WDFY4: variants seen among roughly 807,000 people sequenced by gnomAD.
WDFY4 encodes WDFY family member 4.
In WDFY4, 169 loss-of-function variants were observed where a neutral mutation model predicts 351.9. The ratio of observed to expected loss-of-function variants is 0.48; its 90% CI spans 0.42 to 0.55. The LOEUF is 0.55. Among genes scored for constraint, WDFY4 ranks in the 20% least tolerant of loss-of-function variants. The pLI is 0.00. For synonymous variants in WDFY4, 1,622 were observed against 1,574.6 expected (o/e 1.03, Z -0.71); for missense variants, 3,803 against 3,935.6 (o/e 0.97, Z 0.90).
intron 39 of WDFY4, among the ~76,000 whole-genome samples, chr10:48,848,627 G>T (rs2068857034): frequency 6.6e-6 from 1 of 152,150 alleles, no homozygotes; most frequent in African/African-American, 2.4e-5. Flanking sequence ...GGTCTGTGAG[G>T]TTCTTTTCAG....
chr10:48,903,049 G>T (rs1036844703), intron 47 of WDFY4, among the ~76,000 whole-genome samples: 2 of 152,174 alleles, frequency 1.3e-5, no homozygotes, highest in Admixed American at 1.3e-4. Context: ...GGTGGAGGTT[G>T]CAGTGAGCTG....
intron 47 of WDFY4, among the ~76,000 whole-genome samples, chr10:48,920,285 A>C (rs868548804): frequency 6.8e-6 from 1 of 146,582 alleles, no homozygotes; most frequent in South Asian, 2.2e-4. Context: ...CAAATACCAC[A>C]TGTTCTCACT....
intron 47 of WDFY4, chr10:48,913,981 G>T (rs138280112): frequency 1.2e-6 from 2 of 1,614,014 alleles, no homozygotes; most frequent in African/African-American, 2.7e-5. Flanking sequence ...ATAAGATTCC[G>T]GCTAAGGTCC....
intron 50 of WDFY4, 104 bp downstream of exon 50, chr10:48,946,261 C>A: frequency 1.1e-6 from 1 of 903,448 alleles, no homozygotes; most frequent in Non-Finnish European, 1.7e-6. Context: ...CAAGTAATTG[C>A]ATTTGAATAG....
At chr10:48,792,281 G>A (rs1000216675) in intron 23 of WDFY4, among the ~76,000 whole-genome samples, 3 of 152,212 alleles carry the variant, frequency 2.0e-5, no homozygotes, top group African/African-American at 4.8e-5. Context: ...TCCCCCAGCT[G>A]AGCATGTGGC....
At position 48,830,830 on chromosome 10, in the gene WDFY4, A is replaced by C; in HGVS notation, c.6471A>C (p.Glu2157Asp). The change falls in exon 38 of 62, where the codon GAA (glutamate) becomes GAC (aspartate). Residue 2157 changes from glutamate (E) to aspartate (D), a missense_variant. Transcript: ENST00000325239. ...VKPGEREVKI[E>D]EVTPLWEETM... ...CTGGAGAGAGGGAAGTGAAGATTGAAGAGGTCACACCGCTCTGGGAGGAGA... is the reference window on the plus strand; with the variant it reads ...CTGGAGAGAGGGAAGTGAAGATTGACGAGGTCACACCGCTCTGGGAGGAGA... 1.3e-6 allele frequency: 2 copies of C among 1,551,648 alleles called. No homozygotes were observed. The highest frequency in any genetic ancestry group is 8.7e-7 in the Non-Finnish European group (1 of 1,146,964).
chr10:48,957,009 G>A (rs1397584945), intron 51 of WDFY4, 120 bp from the exon 52 acceptor site: 1 of 1,316,364 alleles, frequency 7.6e-7, no homozygotes, highest in East Asian at 2.5e-5. Flanking sequence ...ACGTGTGTGA[G>A]GAGAGTAAAT....
rs545086380 is a variant in WDFY4 at position 48,948,208 on chromosome 10, C to T, written c.7977+1239C>T. ...TCCTTGACGGCATAACACGTCTAGA[C>T]ATTGTATAACCCCCTCTCCCTGGAA... On this transcript the variant is annotated intron_variant, in intron 51 of 61. Coordinates refer to ENST00000325239, the MANE Select transcript of WDFY4 (RefSeq NM_001394531.1). Among the ~76,000 whole-genome samples the T allele has an allele frequency of 7.9e-5, 12 of 152,280 alleles. No homozygotes were observed. The East Asian group carries it at 1.9e-3, about 25-fold the overall frequency.
At chr10:48,723,266 A>T (rs144703911) in intron 4 of WDFY4, among the ~76,000 whole-genome samples, 167 bp from the exon 5 acceptor site, 1 of 150,816 alleles carries the variant, frequency 6.6e-6, no homozygotes, top group East Asian at 2.0e-4. Context: ...CTTCACAGCC[A>T]CCCTAGGTGC....
chr10:48,853,569 T>A (rs762524564), intron 39 of WDFY4, among the ~76,000 whole-genome samples: 4 of 152,218 alleles, frequency 2.6e-5, no homozygotes, highest in Non-Finnish European at 5.9e-5. Context: ...GAGAGTGCCT[T>A]GCTTCCAGGC....
At chr10:48,801,082 C>T (rs1298690439) in intron 24 of WDFY4, among the ~76,000 whole-genome samples, 3 of 152,164 alleles carry the variant, frequency 2.0e-5, no homozygotes, top group Non-Finnish European at 4.4e-5. Context: ...AGAGTACAGT[C>T]ATCTCAGGGG....
rs1395697121 is a variant in WDFY4 at position 48,776,934 on chromosome 10, A to C, written c.3048A>C (p.Ala1016=). The stretch of plus-strand genomic sequence containing the variant: ...CACGCAACCTGCAGCCTCAGAGGGC[A>C]GCCCTGGCCCCATCGTTTGTGGAAT... ...TSPRNLQPQR[A]ALAPSFVEFD... is the part of the protein sequence containing the mutation. The change falls in exon 16 of 62, where the codon GCA becomes GCC. Residue 1016 remains alanine, a synonymous_variant. Transcript: ENST00000325239. 6.4e-6 allele frequency: 10 copies of C among 1,552,266 alleles called. No homozygotes were observed. Among genetic ancestry groups the C allele is most frequent in the Non-Finnish European group, 8.7e-6 (10 of 1,147,142 alleles).
chr10:48,956,736 C>T (rs113710355), intron 51 of WDFY4, among the ~76,000 whole-genome samples: 129 of 152,324 alleles, frequency 8.5e-4, no homozygotes, highest in African/African-American at 3.1e-3. Flanking sequence ...CCATGAGCCT[C>T]TCAGGAGCCG....
At chr10:48,781,602 A>C (rs368901065) in intron 19 of WDFY4, among the ~76,000 whole-genome samples, 1 of 152,178 alleles carries the variant, frequency 6.6e-6, no homozygotes, top group African/African-American at 2.4e-5. Flanking sequence ...GGCTGACCAG[A>C]AAGATTTTGA....
rs75963141 is a variant in WDFY4, at chr10:48,724,716, C to G, written c.591+1149C>G. 2.3e-3 allele frequency among the ~76,000 whole-genome samples: 348 copies of G among 152,146 alleles called. 2 individuals carry two copies. In the East Asian group the frequency reaches 0.033, roughly 15 times the overall value. Reference sequence around the variant, plus strand: ...CTACTGTGCGCAGCTCTATGGCAGACAGATGGTTGCTGCAGCAAGCATAGG... The same window carrying G: ...CTACTGTGCGCAGCTCTATGGCAGAGAGATGGTTGCTGCAGCAAGCATAGG... On this transcript the variant is annotated intron_variant, in intron 5 of 61. Transcript: ENST00000325239.
At chr10:48,811,074 A>T (rs2067428989) in intron 29 of WDFY4, among the ~76,000 whole-genome samples, 1 of 152,142 alleles carries the variant, frequency 6.6e-6, no homozygotes, top group Non-Finnish European at 1.5e-5. Context: ...TTCAAATGCC[A>T]CTTCCTCCAG....
At chr10:48,748,800 G>A (rs10857632) in intron 12 of WDFY4, among the ~76,000 whole-genome samples, 45,379 of 152,078 alleles carry the variant, frequency 0.3, 7,362 homozygotes, top group South Asian at 0.41. Flanking sequence ...CATGGCAGTG[G>A]GCTGGGAATG....
At chr10:48,744,227 G>A (rs902380885) in intron 12 of WDFY4, among the ~76,000 whole-genome samples, 2 of 152,120 alleles carry the variant, frequency 1.3e-5, no homozygotes, top group African/African-American at 2.4e-5. Context: ...AGTAACAGTT[G>A]GTGTCTTTTT....
chr10:48,799,768 C>T (rs1000518799), intron 24 of WDFY4, among the ~76,000 whole-genome samples: 6 of 152,144 alleles, frequency 3.9e-5, no homozygotes, highest in South Asian at 4.1e-4. Flanking sequence ...AGCGAGACTT[C>T]GTCTCAAACA....
Sources: gnomAD v4.1 joint callset for allele counts (sites outside exome capture counted in the v4.1 genomes callset) on GRCh38, gnomAD v4.1.1 for gene constraint, MANE v1.5 for transcripts, NCBI Gene and HGNC (gene_info 2026-07-23, HGNC 2026-07-21) for gene names.